MPP7: variants seen among roughly 807,000 people sequenced by gnomAD.
MPP7 encodes the protein MAGUK p55 scaffold protein 7, also known as MAGUK p55 subfamily member 7.
In MPP7, 60 loss-of-function variants were observed where a neutral mutation model predicts 76.5. The observed-to-expected ratio is 0.78, with a 90% CI of 0.64 to 0.97. The LOEUF (loss-of-function observed/expected upper bound fraction) is 0.97, where lower values mean the gene tolerates loss of function less well. MPP7 is among the 50% of genes least tolerant of loss of function. The pLI, the probability that MPP7 is intolerant of heterozygous loss-of-function variation, is 0.00. For missense variants in MPP7, 641 were observed against 694.0 expected, an observed-to-expected ratio of 0.92 and a Z score of 0.86; for synonymous variants, 237 against 244.5, an observed-to-expected ratio of 0.97 and a Z score of 0.29.
At chr10:28,104,639 A>G (rs78800474) in intron 11 of MPP7, among the ~76,000 whole-genome samples, 1,833 of 152,330 alleles carry the variant, frequency 0.012, 51 homozygotes, top group East Asian at 0.11. Flanking sequence ...AAAAGAACTA[A>G]CGTCAAATCT....
chr10:28,128,774 A>G (rs1426345539), intron 6 of MPP7, among the ~76,000 whole-genome samples: 1 of 152,232 alleles, frequency 6.6e-6, no homozygotes, highest in East Asian at 1.9e-4. Flanking sequence ...GAGATAACAA[A>G]TAGACAGATG....
At chr10:28,201,181 C>T (rs1837759100) in intron 3 of MPP7, among the ~76,000 whole-genome samples, 2 of 152,174 alleles carry the variant, frequency 1.3e-5, no homozygotes, top group Non-Finnish European at 2.9e-5. Context: ...ATCAACACTT[C>T]CATTTCTTAA....
intron 1 of MPP7, among the ~76,000 whole-genome samples, chr10:28,276,182 C>G (rs1056196253): frequency 3.3e-5 from 5 of 151,956 alleles, no homozygotes; most frequent in Admixed American, 2.0e-4. Context: ...AGGCGCCCAC[C>G]ACCACACCCA....
chr10:28,066,755 G>A (rs1852003252), intron 13 of MPP7, among the ~76,000 whole-genome samples: 2 of 152,142 alleles, frequency 1.3e-5, no homozygotes, highest in African/African-American at 4.8e-5. Context: ...TTATAAAAAT[G>A]AAATCACGCT....
At chr10:28,295,148 C>A (rs887206641) in intron 1 of MPP7, among the ~76,000 whole-genome samples, 3 of 152,136 alleles carry the variant, frequency 2.0e-5, no homozygotes, top group African/African-American at 7.2e-5. Flanking sequence ...AGTTTGAGAA[C>A]CACTGGTAGA....
rs11366770 is a variant in MPP7, at chr10:28,165,535, GAAAAAAAA to G, written c.157-15484_157-15477del. ...AGTGAGACCTTGTCTCTAAGAAAAGGAAAAAAAAAAAAAAAAGAAAGAAGCCTCATTCT... is the reference window on the plus strand; with the variant it reads ...AGTGAGACCTTGTCTCTAAGAAAAGGAAAAAAAAGAAAGAAGCCTCATTCT... On this transcript the variant is annotated intron_variant, in intron 3 of 16. Transcript: ENST00000683449. Among the ~76,000 whole-genome samples, 484 of 135,768 alleles carry G rather than the reference GAAAAAAAA, an allele frequency of 3.6e-3. 4 individuals carry two copies. The highest frequency in any genetic ancestry group is 4.8e-3 in the Non-Finnish European group (307 of 63,340). The allele number at this position is 135,768 out of a possible 152,430, so 89.1% of individuals were successfully genotyped here.
At chr10:28,141,739 G>A (rs541704588) in intron 5 of MPP7, among the ~76,000 whole-genome samples, 4 of 151,974 alleles carry the variant, frequency 2.6e-5, no homozygotes, top group Non-Finnish European at 5.9e-5. Context: ...ACTGTCTCTG[G>A]AAAATTTAAT....
chr10:28,083,058 C>T (rs1202362082), intron 12 of MPP7, among the ~76,000 whole-genome samples: 1 of 152,076 alleles, frequency 6.6e-6, no homozygotes, highest in Admixed American at 6.6e-5. Flanking sequence ...TGAATTGTTC[C>T]CGTGTCATGT....
At chr10:28,320,786 C>T (rs1176738870) in intron 2 of MPP7, among the ~76,000 whole-genome samples, 1 of 151,094 alleles carries the variant, frequency 6.6e-6, no homozygotes. Context: ...CCTACATCTC[C>T]TATTTTGCCA....
chr10:28,059,196 A>G (rs1851680632), intron 14 of MPP7, among the ~76,000 whole-genome samples: 1 of 152,220 alleles, frequency 6.6e-6, no homozygotes, highest in African/African-American at 2.4e-5. Context: ...GCTTGGAGCT[A>G]GCTAGAGAAG....
intron 2 of MPP7, among the ~76,000 whole-genome samples, chr10:28,209,725 G>C (rs1012132582): frequency 7.2e-5 from 11 of 152,310 alleles, no homozygotes; most frequent in African/African-American, 2.6e-4. Flanking sequence ...TGGAGCACTA[G>C]GCCAAAGTTC....
intron 1 of MPP7, among the ~76,000 whole-genome samples, chr10:28,289,610 G>A (rs1460883511): frequency 1.3e-5 from 2 of 152,106 alleles, no homozygotes; most frequent in African/African-American, 4.8e-5. Context: ...AAGGTGAGTG[G>A]GCCACTATGG....
Position 28,147,400 on chromosome 10 carries a change from T to G in MPP7, c.315+83A>C, listed in dbSNP as rs543866460. On this transcript the variant is annotated intron_variant, in intron 5 of 16. Coordinates refer to ENST00000683449, the MANE Select transcript of MPP7 (RefSeq NM_001318170.2). ...ATTCAAAATACATTTACTTGAGAAT[T>G]GATGCTCGAAACAAAATTCATCTGA... 2.9e-6 allele frequency: 3 copies of G among 1,032,984 alleles called. No homozygotes were observed. The Admixed American group carries it at 5.1e-5, about 18-fold the overall frequency. The allele number at this position is 1,032,984 out of a possible 1,614,324, so 64.0% of individuals were successfully genotyped here.
chr10:28,097,146 C>T (rs1305943493), intron 11 of MPP7, among the ~76,000 whole-genome samples: 3 of 151,996 alleles, frequency 2.0e-5, no homozygotes, highest in African/African-American at 7.3e-5. Flanking sequence ...CACGCCAACA[C>T]ACCTAGTTAC....
At chr10:28,331,143 A>G (rs1834466719) in intron 1 of MPP7, among the ~76,000 whole-genome samples, 1 of 152,206 alleles carries the variant, frequency 6.6e-6, no homozygotes, top group Non-Finnish European at 1.5e-5. Flanking sequence ...AGCATCTAGC[A>G]GGTGCTCAAC....
chr10:28,171,164 C>T (rs540670001), intron 3 of MPP7, among the ~76,000 whole-genome samples: 1 of 152,312 alleles, frequency 6.6e-6, no homozygotes, highest in Admixed American at 6.5e-5. Context: ...GACACACCTT[C>T]AGTCCATATC....
intron 2 of MPP7, among the ~76,000 whole-genome samples, chr10:28,221,035 G>A (rs900389188): frequency 3.9e-5 from 6 of 152,078 alleles, no homozygotes; most frequent in Admixed American, 3.9e-4. Flanking sequence ...AGAACAACCT[G>A]TTACACAATA....
chr10:28,328,823 T>C (rs975093907), intron 2 of MPP7, among the ~76,000 whole-genome samples: 1 of 152,212 alleles, frequency 6.6e-6, no homozygotes, highest in Non-Finnish European at 1.5e-5. Context: ...TTTGAAATAC[T>C]TTTATTACAT....
At chr10:28,306,743 A>T (rs1841260464), upstream of MPP7, among the ~76,000 whole-genome samples, 1 of 152,178 alleles carries the variant, frequency 6.6e-6, no homozygotes, top group Non-Finnish European at 1.5e-5. Flanking sequence ...TGATAGATAG[A>T]TAATAGATCG....
Sources: gnomAD v4.1 joint callset for allele counts (sites outside exome capture counted in the v4.1 genomes callset) on GRCh38, gnomAD v4.1.1 for gene constraint, MANE v1.5 for transcripts, NCBI Gene and HGNC (gene_info 2026-07-23, HGNC 2026-07-21) for gene names.